Variants in KCNMB3 observed in about 807,000 individuals in gnomAD.
KCNMB3 encodes the protein calcium-activated potassium channel subunit beta-3.
Under a neutral mutation model 11.9 loss-of-function variants are expected in KCNMB3, and 18 were observed. The ratio of observed to expected loss-of-function variants is 1.51; its 90% CI spans 1.04 to 2.23. The LOEUF (loss-of-function observed/expected upper bound fraction) is 2.23, where lower values mean the gene tolerates loss of function less well. Among genes scored for constraint, KCNMB3 ranks in the 30% most tolerant of loss-of-function variants. KCNMB3 has a pLI of 0.00. For missense variants in KCNMB3, 247 were observed against 329.4 expected (o/e 0.75, Z 1.94); for synonymous variants, 78 against 119.2 (o/e 0.65, Z 2.25).
intron 1 of KCNMB3, among the ~76,000 whole-genome samples, chr3:179,258,508 T>A (rs1426118922): frequency 2.6e-5 from 4 of 152,248 alleles, no homozygotes; most frequent in African/African-American, 9.6e-5. Context: ...TTTGGCGGTT[T>A]ATCTCCTTTA....
upstream of KCNMB3, chr3:179,251,124 T>C (rs1317482960): frequency 1.9e-6 from 3 of 1,614,110 alleles, no homozygotes; most frequent in Non-Finnish European, 2.5e-6. Context: ...TAAAGTGATG[T>C]GTAATCAAGT....
upstream of KCNMB3, chr3:179,251,308 A>G (rs1725836051): frequency 4.2e-6 from 6 of 1,445,458 alleles, no homozygotes; most frequent in Non-Finnish European, 4.5e-6. Flanking sequence ...TTCTCCTTTG[A>G]ATTCCACATG....
At chr3:179,263,502 G>A (rs1055523971) in intron 1 of KCNMB3, among the ~76,000 whole-genome samples, 1 of 151,302 alleles carries the variant, frequency 6.6e-6, no homozygotes, top group Non-Finnish European at 1.5e-5. Context: ...CGCGGAGAGC[G>A]AGCGAGGGCT....
rs781148017 is a variant in KCNMB3 at position 179,251,002 on chromosome 3, G to A, written c.-12C>T. On this transcript the variant is annotated 5_prime_UTR_variant, in exon 1 of 3. Transcript: ENST00000392685. Reference sequence around the variant, plus strand: ...AGAAGGGGGAACATTTCCAATCCATGGGGACTGGAGGGATAATCTCATTTG... The same window carrying A: ...AGAAGGGGGAACATTTCCAATCCATAGGGACTGGAGGGATAATCTCATTTG... 6.2e-7 allele frequency: 1 copy of A among 1,614,176 alleles called. No individual in the cohort carries two copies. The highest frequency in any genetic ancestry group is 2.2e-5 in the East Asian group (1 of 44,888).
upstream of KCNMB3, among the ~76,000 whole-genome samples, chr3:179,255,785 G>A (rs1725993248): frequency 6.6e-6 from 1 of 152,156 alleles, no homozygotes; most frequent in South Asian, 2.1e-4. Flanking sequence ...CAGCTACAAA[G>A]ACAAGAGAAA....
At chr3:179,240,960 G>T (rs1030842362), downstream of KCNMB3, 3 of 152,058 alleles carry the variant, frequency 2.0e-5, no homozygotes, top group African/African-American at 7.3e-5. Flanking sequence ...GAAGTCTTTG[G>T]TATACAAAAT....
chr3:179,259,242 G>A, intron 1 of KCNMB3: 2 of 1,535,762 alleles, frequency 1.3e-6, no homozygotes, highest in South Asian at 2.7e-5. Context: ...AATGTCCTGT[G>A]AGGGACTTTC....
At chr3:179,255,119 C>T (rs992614008), upstream of KCNMB3, among the ~76,000 whole-genome samples, 2 of 151,354 alleles carry the variant, frequency 1.3e-5, no homozygotes, top group African/African-American at 4.8e-5. Context: ...GAGCTGAGAT[C>T]GTGCCACTGC....
intron 1 of KCNMB3, chr3:179,260,832 C>T (rs1726182979): frequency 7.8e-7 from 1 of 1,273,944 alleles, no homozygotes; most frequent in Non-Finnish European, 1.1e-6. Flanking sequence ...GCCAGCTGTT[C>T]TTCAATCTCC....
At chr3:179,241,571 A>G (rs6810246), downstream of KCNMB3, 36,213 of 152,896 alleles carry the variant, frequency 0.24, 4,976 homozygotes, top group African/African-American at 0.37. Context: ...TCCACTGTCC[A>G]TAATTTAAGA....
chr3:179,260,134 T>C lies in KCNMB3; in HGVS notation c.62+6515A>G. 2.5e-6 allele frequency: 4 copies of C among 1,606,670 alleles called. No homozygotes were observed. The South Asian group carries it at 4.4e-5, about 18-fold the overall frequency. On this transcript the variant is annotated intron_variant, in intron 1 of 3. Transcript: ENST00000349697. ...TGCCCTAAAGGACATGAGGCCACTGTGTCTGCCTGCTCTCCAACCTGAGTC... is the reference window on the plus strand; with the variant it reads ...TGCCCTAAAGGACATGAGGCCACTGCGTCTGCCTGCTCTCCAACCTGAGTC...
chr3:179,262,804 C>T (rs1330245139), intron 1 of KCNMB3, among the ~76,000 whole-genome samples: 2 of 152,186 alleles, frequency 1.3e-5, no homozygotes, highest in Non-Finnish European at 2.9e-5. Context: ...TCCAAGTCCC[C>T]ACCAGAGTAG....
upstream of KCNMB3, among the ~76,000 whole-genome samples, chr3:179,254,339 A>G (rs75406029): frequency 0.03 from 4,563 of 152,340 alleles, 121 homozygotes; most frequent in Middle Eastern, 0.17. Flanking sequence ...AATTTTAGAT[A>G]ATCCTCAAGG....
intron 1 of KCNMB3, among the ~76,000 whole-genome samples, chr3:179,261,516 G>T (rs896898773): frequency 6.6e-6 from 1 of 152,096 alleles, no homozygotes; most frequent in East Asian, 1.9e-4. Context: ...CCTGGCCGGG[G>T]GTGGAATGGC....
At chr3:179,258,177 C>T (rs1726084264) in intron 1 of KCNMB3, among the ~76,000 whole-genome samples, 1 of 152,168 alleles carries the variant, frequency 6.6e-6, no homozygotes, top group Non-Finnish European at 1.5e-5. Context: ...TGAGCCACCA[C>T]ACCCGGCCAA....
intron 1 of KCNMB3, chr3:179,266,569 A>G (rs1272109060): frequency 2.6e-6 from 4 of 1,542,464 alleles, no homozygotes; most frequent in Non-Finnish European, 3.6e-6. Flanking sequence ...TCACTCCCCA[A>G]GCTCGAGATG....
At chr3:179,260,733 C>T (rs1342253923) in intron 1 of KCNMB3, 1 of 1,441,902 alleles carries the variant, frequency 6.9e-7, no homozygotes, top group Non-Finnish European at 9.8e-7. Flanking sequence ...GCCTCCTTGA[C>T]TTCAGCAAAC....
At chr3:179,260,119 G>A (rs1186635929) in intron 1 of KCNMB3, 8 of 1,605,804 alleles carry the variant, frequency 5.0e-6, no homozygotes, top group Non-Finnish European at 6.8e-6. Context: ...TGCCCTAAAG[G>A]ACATGAGGCC....
upstream of KCNMB3, chr3:179,251,334 A>G: frequency 6.9e-7 from 1 of 1,439,726 alleles, no homozygotes; most frequent in Non-Finnish European, 9.1e-7. Flanking sequence ...AATGACTCAA[A>G]AAGTTCACAT....
Sources: gnomAD v4.1 joint callset for allele counts (sites outside exome capture counted in the v4.1 genomes callset) on GRCh38, gnomAD v4.1.1 for gene constraint, MANE v1.5 for transcripts, NCBI Gene and HGNC (gene_info 2026-07-23, HGNC 2026-07-21) for gene names.